LMTK2: variants seen among roughly 807,000 people sequenced by gnomAD.
LMTK2 encodes lemur tail kinase 2, also known as serine/threonine-protein kinase LMTK2.
LMTK2 carries 37 observed loss-of-function variants against 127.5 expected under a neutral mutation model. The observed-to-expected ratio is 0.29, with a 90% confidence interval of 0.22 to 0.38. LMTK2 has a LOEUF of 0.38. Ranked by LOEUF, LMTK2 falls within the 10% of genes least tolerant of loss-of-function variation. The pLI, the probability that LMTK2 is intolerant of heterozygous loss-of-function variation, is 1.00. For missense variants in LMTK2, 1,694 were observed against 1,920.3 expected (o/e 0.88, Z 2.20); for synonymous variants, 819 against 810.1 (o/e 1.01, Z -0.19).
intron 11 of LMTK2, among the ~76,000 whole-genome samples, chr7:98,198,846 A>G (rs1321920327): frequency 1.3e-5 from 2 of 152,214 alleles, no homozygotes; most frequent in Admixed American, 1.3e-4. Context: ...GCACCCAGCA[A>G]ATTTTAATGT....
intron 11 of LMTK2, among the ~76,000 whole-genome samples, chr7:98,203,105 AAAG>A (rs1281654107): frequency 6.6e-6 from 1 of 152,212 alleles, no homozygotes; most frequent in Non-Finnish European, 1.5e-5. Flanking sequence ...AGAACAGAGA[AAAG>A]AAGAAAGCTG....
At chr7:98,195,044 T>G (rs1176540213) in intron 11 of LMTK2, among the ~76,000 whole-genome samples, 1 of 151,966 alleles carries the variant, frequency 6.6e-6, no homozygotes, top group Non-Finnish European at 1.5e-5. Context: ...TTTTTTTGTT[T>G]TGTTTTGTTT....
intron 1 of LMTK2, among the ~76,000 whole-genome samples, chr7:98,108,943 A>G (rs1032437816): frequency 2.1e-5 from 3 of 141,856 alleles, no homozygotes; most frequent in African/African-American, 5.2e-5. Flanking sequence ...GCTGACTGCA[A>G]CCCCCCCCTT....
At chr7:98,173,508 G>A (rs1295152923) in intron 7 of LMTK2, among the ~76,000 whole-genome samples, 1 of 152,078 alleles carries the variant, frequency 6.6e-6, no homozygotes, top group Non-Finnish European at 1.5e-5. Flanking sequence ...TACTGGTATA[G>A]GAATTCTTAA....
At chr7:98,180,139 T>A (rs1197628378) in intron 7 of LMTK2, among the ~76,000 whole-genome samples, 1 of 152,260 alleles carries the variant, frequency 6.6e-6, no homozygotes, top group African/African-American at 2.4e-5. Context: ...ATTATGTTAT[T>A]GAATCAATGT....
intron 1 of LMTK2, among the ~76,000 whole-genome samples, chr7:98,108,831 A>G (rs1480242314): frequency 1.3e-5 from 2 of 148,472 alleles, no homozygotes; most frequent in African/African-American, 2.5e-5. Flanking sequence ...TCGATTCTTT[A>G]TAGGAACCTA....
chr7:98,154,253 C>T (rs1045442587), intron 4 of LMTK2, among the ~76,000 whole-genome samples: 2 of 152,084 alleles, frequency 1.3e-5, no homozygotes, highest in Admixed American at 6.6e-5. Context: ...AGATCAAGGC[C>T]GGGTATCATT....
chr7:98,138,088 A>G (rs1033312574), intron 2 of LMTK2, among the ~76,000 whole-genome samples: 5 of 152,238 alleles, frequency 3.3e-5, no homozygotes, highest in Non-Finnish European at 4.4e-5. Context: ...CCAGTGAACC[A>G]GCCAGGAAGG....
intron 1 of LMTK2, among the ~76,000 whole-genome samples, chr7:98,130,598 C>G (rs532871530): frequency 2.6e-5 from 4 of 152,104 alleles, no homozygotes; most frequent in Non-Finnish European, 5.9e-5. Context: ...AGTGAAAATG[C>G]GGTCATGAGG....
chr7:98,191,120 A>T (rs538318132), intron 10 of LMTK2, among the ~76,000 whole-genome samples: 6 of 151,500 alleles, frequency 4.0e-5, no homozygotes, highest in East Asian at 3.9e-4. Flanking sequence ...ATTTTTATTT[A>T]AAAAAAAATG....
chr7:98,161,071 G>A (rs1797008379), intron 6 of LMTK2, among the ~76,000 whole-genome samples: 2 of 152,058 alleles, frequency 1.3e-5, no homozygotes, highest in African/African-American at 4.8e-5. Context: ...TACGTTTCTT[G>A]TAATTAGTGA....
At chr7:98,167,907 C>T (rs1051743831) in intron 6 of LMTK2, among the ~76,000 whole-genome samples, 4 of 152,020 alleles carry the variant, frequency 2.6e-5, no homozygotes, top group South Asian at 2.1e-4. Flanking sequence ...CAGGAGGTTG[C>T]GGTGCCCGAA....
In LMTK2 at chr7:98,185,639, T is replaced by C. The variant is rs533232165; in HGVS notation, c.876+504T>C. 1.8e-3 allele frequency among the ~76,000 whole-genome samples: 273 copies of C among 152,182 alleles called. 4 individuals are homozygous for C. The highest frequency in any genetic ancestry group is 0.013 in the South Asian group (64 of 4,820). Reference sequence around the variant, plus strand: ...GTCTGTGTAGCCCCAGTGAATGAGGTAGAGCGTTCTGGGGCAGAGAATGGG... The same window carrying C: ...GTCTGTGTAGCCCCAGTGAATGAGGCAGAGCGTTCTGGGGCAGAGAATGGG... On this transcript the variant is annotated intron_variant, in intron 8 of 13. Transcript: ENST00000297293.
intron 13 of LMTK2, 118 bp downstream of exon 13, chr7:98,204,304 A>G (rs931607149): frequency 1.5e-6 from 2 of 1,346,760 alleles, no homozygotes; most frequent in Non-Finnish European, 2.0e-6. Flanking sequence ...TTTGCTGAGT[A>G]GATTACAAAC....
intron 9 of LMTK2, 40 bp from the exon 10 acceptor site, chr7:98,190,688 C>G: frequency 6.2e-7 from 1 of 1,610,030 alleles, no homozygotes; most frequent in South Asian, 1.1e-5. Flanking sequence ...AATTTGACAT[C>G]TAAAGGGAGA....
intron 6 of LMTK2, among the ~76,000 whole-genome samples, chr7:98,165,592 C>T (rs1797083696): frequency 6.6e-6 from 1 of 152,212 alleles, no homozygotes; most frequent in African/African-American, 2.4e-5. Context: ...GCTGGAATGA[C>T]CCGGCCCTGT....
intron 5 of LMTK2, among the ~76,000 whole-genome samples, chr7:98,158,844 C>T (rs1240198943): frequency 6.6e-6 from 1 of 152,114 alleles, no homozygotes; most frequent in Admixed American, 6.5e-5. Context: ...GTATAGTCTG[C>T]CCTCTTTTAA....
Position 98,203,492 on chromosome 7 carries a change from C to A in LMTK2, c.4108-82C>A, listed in dbSNP as rs978124372. 6 of 1,480,228 alleles carry A rather than the reference C, an allele frequency of 4.1e-6. No individual in the cohort carries two copies. In the African/African-American group the frequency reaches 8.5e-5, roughly 21 times the overall value. 91.7% of individuals were successfully genotyped at this position (1,480,228 alleles called of 1,614,324 possible). On this transcript the variant is annotated intron_variant, in intron 11 of 13. Coordinates refer to ENST00000297293, the MANE Select transcript of LMTK2 (RefSeq NM_014916.4). ...TACTTCTCAGTCGATGAGTCTGATGCGCCTGCCAGTGGGGAAGCGGTCACA... is the reference window on the plus strand; with the variant it reads ...TACTTCTCAGTCGATGAGTCTGATGAGCCTGCCAGTGGGGAAGCGGTCACA...
intron 7 of LMTK2, among the ~76,000 whole-genome samples, chr7:98,177,826 C>T (rs1007034632): frequency 6.6e-6 from 1 of 152,240 alleles, no homozygotes; most frequent in Non-Finnish European, 1.5e-5. Flanking sequence ...ACCTAATAAG[C>T]AGGGCAAACA....
Sources: gnomAD v4.1 joint callset for allele counts (sites outside exome capture counted in the v4.1 genomes callset) on GRCh38, gnomAD v4.1.1 for gene constraint, MANE v1.5 for transcripts, NCBI Gene and HGNC (gene_info 2026-07-23, HGNC 2026-07-21) for gene names.